Variants in GABBR1 observed in about 807,000 individuals in gnomAD.
GABBR1 encodes gamma-aminobutyric acid type B receptor subunit 1.
A neutral mutation model predicts 117.7 loss-of-function variants in GABBR1; 35 were observed. The ratio of observed to expected loss-of-function variants is 0.30; its 90% CI spans 0.23 to 0.39. The LOEUF is 0.39. Ranked by LOEUF, GABBR1 falls within the 10% of genes least tolerant of loss-of-function variation. The pLI is 1.00. For missense variants in GABBR1, 709 were observed against 1,241.8 expected, an observed-to-expected ratio of 0.57 and a Z score of 6.45; for synonymous variants, 442 against 486.6, an observed-to-expected ratio of 0.91 and a Z score of 1.21.
rs1192686056 is a variant in GABBR1 at position 29,607,040 on chromosome 6, G to C, written c.2110-36C>G. 6.2e-7 allele frequency: 1 copy of C among 1,610,688 alleles called. No homozygotes were observed. The highest frequency in any genetic ancestry group is 2.2e-5 in the East Asian group (1 of 44,854). ...ATGTGGGGAGAACAGGCACGTCAGGGGAAAATGCTCTGTGCCCCAGGAGCC... is the reference window on the plus strand; with the variant it reads ...ATGTGGGGAGAACAGGCACGTCAGGCGAAAATGCTCTGTGCCCCAGGAGCC... On this transcript the variant is annotated intron_variant, in intron 17 of 22. Transcript: ENST00000377034. The surrounding 1 kb of genome is among the most constrained non-coding windows in gnomAD (Gnocchi z 5.0).
chr6:29,628,418 G>A (rs1764599371), intron 5 of GABBR1, among the ~76,000 whole-genome samples: 8 of 152,074 alleles, frequency 5.3e-5, no homozygotes, highest in Admixed American at 3.9e-4. Context: ...TGAAGTGGGA[G>A]TATGAGTCGA....
chr6:29,628,241 AG>A, intron 5 of GABBR1: 1 of 898,670 alleles, frequency 1.1e-6, no homozygotes, highest in Non-Finnish European at 1.3e-6. Context: ...AGAGGAAGGG[AG>A]GGATCTCACT....
At position 29,604,504 on chromosome 6, in the gene GABBR1, A is replaced by T. The variant is rs1185304713; in HGVS notation, c.2702T>A (p.Ile901Asn). ...LEKENRELEKIIAEKEERVSE... is the reference protein window; with the variant it reads ...LEKENRELEKNIAEKEERVSE... ...CACCCACCCCCGCACCTCAGCAATG[A>T]TCTTTTCCAGTTCACGGTTCTCCTT... is the stretch of plus-strand genomic sequence containing the variant. Residue 901 changes from isoleucine (I) to asparagine (N), a missense_variant, in exon 22 of 23, where the codon ATC becomes AAC. This residue lies in a region of GABBR1 where 251 missense variants were observed against 445.3 expected (regional missense o/e 0.56). Coordinates refer to ENST00000377034, the MANE Select transcript of GABBR1 (RefSeq NM_001470.4). The surrounding 1 kb of genome is among the most constrained non-coding windows in gnomAD (Gnocchi z 5.3). The T allele has an allele frequency of 1.9e-6, 3 of 1,613,182 alleles. No individual in the cohort carries two copies. Among genetic ancestry groups the T allele is most frequent in the Non-Finnish European group, 2.5e-6 (3 of 1,180,004 alleles).
At position 29,607,361 on chromosome 6, in the gene GABBR1, A is replaced by C. The variant is rs1762068285; in HGVS notation, c.1993-143T>G. On this transcript the variant is annotated intron_variant, in intron 16 of 22. Transcript: ENST00000377034. This position sits in a 1 kb window ranked among gnomAD's most constrained non-coding sequence, Gnocchi z 5.0. ...GGCACAGGGAGGATGCGAAAATGTG[A>C]GCAGGACGGGGAGCGGCAGGAGGAG... is the stretch of plus-strand genomic sequence containing the variant. 1 of 676,588 alleles carries C rather than the reference A, an allele frequency of 1.5e-6. No individual in the cohort carries two copies. The highest frequency in any genetic ancestry group is 2.6e-6 in the Non-Finnish European group (1 of 380,964). 41.9% of individuals were successfully genotyped at this position (676,588 alleles called of 1,614,324 possible). A position where few individuals can be genotyped will look rare whatever the true frequency, so the allele number is the denominator to read the frequency against.
chr6:29,605,057 C>T lies in GABBR1; in HGVS notation c.2440-69G>A. On this transcript the variant is annotated intron_variant, in intron 20 of 22. Coordinates refer to ENST00000377034, the MANE Select transcript of GABBR1 (RefSeq NM_001470.4). This position sits in a 1 kb window ranked among gnomAD's most constrained non-coding sequence, Gnocchi z 4.2. ...CAGACAAGATCCAGAGTTTACTTCC[C>T]ATGGGAGGGAGTCTATGCAGACAGT... 1 of 1,481,576 alleles carries T rather than the reference C, an allele frequency of 6.7e-7. No individual in the cohort carries two copies. The highest frequency in any genetic ancestry group is 1.4e-5 in the African/African-American group (1 of 71,576). The allele number at this position is 1,481,576 out of a possible 1,614,324, so 91.8% of individuals were successfully genotyped here. A position where few individuals can be genotyped will look rare whatever the true frequency, so the allele number is the denominator to read the frequency against.
chr6:29,609,195 G>A lies in GABBR1; in HGVS notation c.1859+34C>T, dbSNP rs1398201910. On this transcript the variant is annotated intron_variant, in intron 15 of 22. Transcript: ENST00000377034. This position sits in a 1 kb window ranked among gnomAD's most constrained non-coding sequence, Gnocchi z 4.3. ...AGGAACATGATCAGTATCTCAGAGA[G>A]GCAGACAAGGAAAACGTCAGAAGAG... 2 of 1,604,106 alleles carry A rather than the reference G, an allele frequency of 1.2e-6. No individual in the cohort carries two copies. The highest frequency in any genetic ancestry group is 1.7e-5 in the Admixed American group (1 of 59,932).
At position 29,630,988 on chromosome 6, in the gene GABBR1, A is replaced by G. The variant is rs1430166013; in HGVS notation, c.290-345T>C. Among the ~76,000 whole-genome samples, 1 of 152,202 alleles carries G rather than the reference A, an allele frequency of 6.6e-6. No homozygotes were observed. The highest frequency in any genetic ancestry group is 1.9e-4 in the East Asian group (1 of 5,198). On this transcript the variant is annotated intron_variant, in intron 3 of 22. Coordinates refer to ENST00000377034, the MANE Select transcript of GABBR1 (RefSeq NM_001470.4). This position sits in a 1 kb window ranked among gnomAD's most constrained non-coding sequence, Gnocchi z 4.9. The stretch of plus-strand genomic sequence containing the variant: ...CACAATCAGATTTGCTTTTCTTATT[A>G]TAGTTGGCTTCTATTAATATTAAAC...
At chr6:29,626,672 A>T (rs28359987) in intron 6 of GABBR1, among the ~76,000 whole-genome samples, 1 of 151,930 alleles carries the variant, frequency 6.6e-6, no homozygotes, top group African/African-American at 2.4e-5. Flanking sequence ...CCCAAGTTCC[A>T]TAAGGTGCCC....
At chr6:29,628,866 T>C (rs1764650878) in intron 5 of GABBR1, among the ~76,000 whole-genome samples, 1 of 149,524 alleles carries the variant, frequency 6.7e-6, no homozygotes, top group Non-Finnish European at 1.5e-5. Context: ...CAGGGAAGTG[T>C]AGCCAAGCAG....
Position 29,602,859 on chromosome 6 carries a change from C to T in GABBR1, c.*684G>A. 1 of 371,370 alleles carries T rather than the reference C, an allele frequency of 2.7e-6. No individual in the cohort carries two copies. The highest frequency in any genetic ancestry group is 5.3e-6 in the Non-Finnish European group (1 of 187,858). 23.0% of individuals were successfully genotyped at this position (371,370 alleles called of 1,614,324 possible). The stretch of plus-strand genomic sequence containing the variant: ...GCTGTGAATGCAGGGCACCCGAGAG[C>T]ACATGTGACTGAACATGAAGAAAGC... On this transcript the variant is annotated 3_prime_UTR_variant, in exon 23 of 23. Transcript: ENST00000377034.
intron 22 of GABBR1, 37 bp from the exon 23 acceptor site, chr6:29,603,753 A>T: frequency 4.2e-6 from 6 of 1,420,346 alleles, no homozygotes; most frequent in Non-Finnish European, 5.5e-6. Flanking sequence ...GTAGGAGAAG[A>T]GGAGGTGATG....
chr6:29,628,042 G>A, intron 5 of GABBR1: 1 of 1,190,868 alleles, frequency 8.4e-7, no homozygotes, highest in Non-Finnish European at 1.0e-6. Flanking sequence ...GGAGGAGCAG[G>A]AGGGAGATGT....
At position 29,606,608 on chromosome 6, in the gene GABBR1, T is replaced by C. The variant is rs1436078198; in HGVS notation, c.2218-124A>G. On this transcript the variant is annotated intron_variant, in intron 18 of 22. Coordinates refer to ENST00000377034, the MANE Select transcript of GABBR1 (RefSeq NM_001470.4). This position sits in a 1 kb window ranked among gnomAD's most constrained non-coding sequence, Gnocchi z 4.5. Reference sequence around the variant, plus strand: ...CCCTCAATGCTGATGCCAAATCTCATTCTAGGCCTAAGAATGTTTTCCTGA... The same window carrying C: ...CCCTCAATGCTGATGCCAAATCTCACTCTAGGCCTAAGAATGTTTTCCTGA... 5.4e-6 allele frequency: 4 copies of C among 742,636 alleles called. No individual in the cohort carries two copies. The highest frequency in any genetic ancestry group is 2.5e-5 in the East Asian group (1 of 39,586). The allele number at this position is 742,636 out of a possible 1,614,324, so 46.0% of individuals were successfully genotyped here.
Position 29,613,330 on chromosome 6 carries a change from C to T in GABBR1, c.1479G>A (p.Val493=). The change falls in exon 12 of 23, where the codon GTG becomes GTA. Residue 493 remains valine, a synonymous_variant. Coordinates refer to ENST00000377034, the MANE Select transcript of GABBR1 (RefSeq NM_001470.4). The surrounding 1 kb of genome is among the most constrained non-coding windows in gnomAD (Gnocchi z 4.1). ...TGTTGTAGTTGAAGTCCTCCAGGCG[C>T]ACACCAGAACGGCCGCCTCCTCCAG... ...KTSGGGGRSG[V]RLEDFNYNNQ... 6.2e-7 allele frequency: 1 copy of T among 1,613,100 alleles called. No individual in the cohort carries two copies. Among genetic ancestry groups the T allele is most frequent in the Non-Finnish European group, 8.5e-7 (1 of 1,180,030 alleles).
chr6:29,603,594 G>A lies in GABBR1; in HGVS notation c.2835C>T (p.Pro945=), dbSNP rs1245842174. 1.9e-6 allele frequency: 3 copies of A among 1,587,862 alleles called. No homozygotes were observed. The highest frequency in any genetic ancestry group is 2.6e-6 in the Non-Finnish European group (3 of 1,168,842). Residue 945 remains proline (P), a synonymous_variant, in exon 23 of 23, where the codon CCC becomes CCT. Coordinates refer to ENST00000377034, the MANE Select transcript of GABBR1 (RefSeq NM_001470.4). ...TCCCATCACAGCTAAGCCGGTCGGG[G>A]GGCTCAGGGGGTCCCCTGGGCAGGC... ...SGGLPRGPPE[P]PDRLSCDGSR...
chr6:29,621,716 C>G lies in GABBR1; in HGVS notation c.1131+36G>C, dbSNP rs774074134. On this transcript the variant is annotated intron_variant, in intron 10 of 22. Coordinates refer to ENST00000377034, the MANE Select transcript of GABBR1 (RefSeq NM_001470.4). The surrounding 1 kb of genome is among the most constrained non-coding windows in gnomAD (Gnocchi z 5.0). ...CCACAAGAAAACCAAGGGAAACTCC[C>G]ACCCAGTGCCCCTCCCTCTTCAGAT... is the stretch of plus-strand genomic sequence containing the variant. 1 of 1,595,164 alleles carries G rather than the reference C, an allele frequency of 6.3e-7. No homozygotes were observed. Among genetic ancestry groups the G allele is most frequent in the South Asian group, 1.1e-5 (1 of 90,696 alleles).
Position 29,616,556 on chromosome 6 carries a change from G to A in GABBR1, c.1324-3071C>T, listed in dbSNP as rs186187758. 1.8e-3 allele frequency among the ~76,000 whole-genome samples: 268 copies of A among 149,872 alleles called. 6 individuals are homozygous for A. The highest frequency in any genetic ancestry group is 0.014 in the Middle Eastern group (4 of 282). On this transcript the variant is annotated intron_variant, in intron 11 of 22. Coordinates refer to ENST00000377034, the MANE Select transcript of GABBR1 (RefSeq NM_001470.4). ...AAAACTTATCTGGGCATGGTGGCAC[G>A]CACCTGTAATCCCAGCTATTCAGAA...
At position 29,623,378 on chromosome 6, in the gene GABBR1, C is replaced by T. The variant is rs2127435357; in HGVS notation, c.890G>A (p.Arg297His). The change falls in exon 8 of 23, where the codon CGC becomes CAC. Residue 297 changes from arginine (R) to histidine (H), a missense_variant. This residue lies in a region of GABBR1 where 192 missense variants were observed against 418.4 expected (regional missense o/e 0.46). Coordinates refer to ENST00000377034, the MANE Select transcript of GABBR1 (RefSeq NM_001470.4). This position sits in a 1 kb window ranked among gnomAD's most constrained non-coding sequence, Gnocchi z 6.2. ...GCCCCACTTTTCAAAGAGTTTCACGCGGGTAGGGTTGTGGAGTGTGGCTGA... is the reference window on the plus strand; with the variant it reads ...GCCCCACTTTTCAAAGAGTTTCACGTGGGTAGGGTTGTGGAGTGTGGCTGA... ...HPSATLHNPT[R>H]VKLFEKWGWK... is the part of the protein sequence containing the mutation. 6.2e-7 allele frequency: 1 copy of T among 1,614,034 alleles called. No homozygotes were observed. Among genetic ancestry groups the T allele is most frequent in the Non-Finnish European group, 8.5e-7 (1 of 1,179,992 alleles).
In GABBR1 at chr6:29,603,618, G is replaced by T; in HGVS notation, c.2811C>A (p.Gly937=). The change falls in exon 23 of 23, where the codon GGC becomes GGA. Residue 937 remains glycine (G), a synonymous_variant. Transcript: ENST00000377034. ...HPPTPPEPSG[G]LPRGPPEPPD... Reference sequence around the variant, plus strand: ...GGGGCTCAGGGGGTCCCCTGGGCAGGCCCCCAGAGGGTTCTGGGGGTGTCG... The same window carrying T: ...GGGGCTCAGGGGGTCCCCTGGGCAGTCCCCCAGAGGGTTCTGGGGGTGTCG... The T allele has an allele frequency of 6.4e-7, 1 of 1,558,942 alleles. No individual in the cohort carries two copies. The highest frequency in any genetic ancestry group is 1.2e-5 in the South Asian group (1 of 81,268).
Sources: gnomAD v4.1 joint callset for allele counts (sites outside exome capture counted in the v4.1 genomes callset) on GRCh38, gnomAD v4.1.1 for gene constraint, gnomAD v4.1.1 regional missense constraint, Gnocchi (gnomAD v3.1) non-coding constraint, MANE v1.5 for transcripts, NCBI Gene and HGNC (gene_info 2026-07-23, HGNC 2026-07-21) for gene names.